SATB1: variants seen among roughly 807,000 people sequenced by gnomAD.
SATB1 encodes the protein DNA-binding protein SATB1.
SATB1 carries 11 observed loss-of-function variants against 86.9 expected under a neutral mutation model. The observed-to-expected ratio is 0.13, with a 90% confidence interval of 0.08 to 0.21. The LOEUF (loss-of-function observed/expected upper bound fraction) is 0.21. SATB1 is among the 10% of genes least tolerant of loss of function. The probability of loss-of-function intolerance (pLI) is 1.00; values close to 1 mark genes in which losing one functional copy is unlikely to be tolerated. For missense variants in SATB1, 551 were observed against 937.6 expected, an observed-to-expected ratio of 0.59 and a Z score of 5.39; for synonymous variants, 357 against 357.2, an observed-to-expected ratio of 1.00 and a Z score of 0.01.
intron 7 of SATB1, among the ~76,000 whole-genome samples, chr3:18,387,349 G>C (rs909620163): frequency 7.2e-5 from 11 of 152,162 alleles, no homozygotes; most frequent in Non-Finnish European, 1.0e-4. Flanking sequence ...CATTGCGAAA[G>C]TCCATCACAG....
At position 18,353,688 on chromosome 3, in the gene SATB1, A is replaced by G. The variant is rs945872842; in HGVS notation, c.1576-1493T>C. 3.3e-5 allele frequency among the ~76,000 whole-genome samples: 5 copies of G among 152,310 alleles called. No individual in the cohort carries two copies. The South Asian group carries it at 1.0e-3, about 32-fold the overall frequency. ...AAAATTCTTCAACTGCAATATGTATAGTGGAAAGAAGCATGGCCTGTTCTC... is the reference window on the plus strand; with the variant it reads ...AAAATTCTTCAACTGCAATATGTATGGTGGAAAGAAGCATGGCCTGTTCTC... On this transcript the variant is annotated intron_variant, in intron 9 of 10. Transcript: ENST00000338745.
chr3:18,401,813 T>C (rs1465937369), intron 5 of SATB1, among the ~76,000 whole-genome samples: 2 of 152,156 alleles, frequency 1.3e-5, no homozygotes, highest in Non-Finnish European at 2.9e-5. Flanking sequence ...CTACTCCCTA[T>C]GAGGAGCTTC....
intron 1 of SATB1, chr3:18,445,328 GCTCCCT>G: frequency 1.0e-6 from 1 of 985,060 alleles, no homozygotes; most frequent in Admixed American, 6.2e-5. Flanking sequence ...CCGCTCCCGG[GCTCCCT>G]CCCAGCGCGC....
chr3:18,423,336 T>C lies in SATB1; in HGVS notation c.-25+291A>G, dbSNP rs1348606353. The stretch of plus-strand genomic sequence containing the variant: ...AAAACAGTGAACTCAGTAACAACAA[T>C]TATTTCCTTTAAAAGGAAAGAAAAT... On this transcript the variant is annotated intron_variant, in intron 1 of 10. Transcript: ENST00000338745. Among the ~76,000 whole-genome samples, 59 of 152,204 alleles carry C rather than the reference T, an allele frequency of 3.9e-4. 1 individual carries two copies. The highest frequency in any genetic ancestry group is 1.5e-5 in the Non-Finnish European group (1 of 68,034).
At chr3:18,440,075 A>C (rs1699196714), upstream of SATB1, among the ~76,000 whole-genome samples, 2 of 152,230 alleles carry the variant, frequency 1.3e-5, no homozygotes. Context: ...AAGACTTGGA[A>C]GAGGAGACAC....
At chr3:18,392,549 A>G (rs1304370825) in intron 7 of SATB1, among the ~76,000 whole-genome samples, 1 of 146,134 alleles carries the variant, frequency 6.8e-6, no homozygotes, top group East Asian at 2.3e-4. Flanking sequence ...ATATATACAC[A>G]TATATACATA....
rs187210783 is a variant in SATB1, at chr3:18,391,973, T to C, written c.1206+2489A>G. On this transcript the variant is annotated intron_variant, in intron 7 of 10. Coordinates refer to ENST00000338745, the MANE Select transcript of SATB1 (RefSeq NM_002971.6). ...AGTTCTCAAGGAATTAATATTGAAA[T>C]ATATATACAAATTTCCTCTTAAGTC... Among the ~76,000 whole-genome samples the C allele has an allele frequency of 2.3e-3, 345 of 152,312 alleles. 3 individuals are homozygous for C. The highest frequency in any genetic ancestry group is 3.6e-3 in the Non-Finnish European group (247 of 68,032).
At chr3:18,383,069 G>C (rs1696143433) in intron 8 of SATB1, among the ~76,000 whole-genome samples, 1 of 152,208 alleles carries the variant, frequency 6.6e-6, no homozygotes, top group Non-Finnish European at 1.5e-5. Flanking sequence ...CTTATTTGTT[G>C]AATTAGAGCA....
At chr3:18,417,759 A>G in intron 2 of SATB1, 1 of 676,082 alleles carries the variant, frequency 1.5e-6, no homozygotes, top group Admixed American at 2.2e-5. Flanking sequence ...CTACCTAACT[A>G]AAAAGAGAGC....
chr3:18,379,088 G>A (rs1334374435), intron 8 of SATB1, among the ~76,000 whole-genome samples: 1 of 152,074 alleles, frequency 6.6e-6, no homozygotes. Context: ...TATATAATCA[G>A]TGACTTTACT....
At chr3:18,406,938 G>A (rs1466733406) in intron 5 of SATB1, among the ~76,000 whole-genome samples, 2 of 151,950 alleles carry the variant, frequency 1.3e-5, no homozygotes, top group Non-Finnish European at 2.9e-5. Context: ...GAATATTCCC[G>A]AGTTCCTACT....
chr3:18,443,916 C>T lies in SATB1; in HGVS notation c.-25+1602G>A, dbSNP rs1446850280. Among the ~76,000 whole-genome samples the T allele has an allele frequency of 6.6e-6, 1 of 152,190 alleles. No homozygotes were observed. Among genetic ancestry groups the T allele is most frequent in the East Asian group, 1.9e-4 (1 of 5,170 alleles). ...TCTCCAGGACCGGCCTCGCTACAGC[C>T]AGCGAGGGCTCGAAATGAGGAGTGC... On this transcript the variant is annotated intron_variant, in intron 1 of 3. Transcript: ENST00000415069. The surrounding 1 kb of genome is among the most constrained non-coding windows in gnomAD (Gnocchi z 4.4).
chr3:18,444,090 G>A lies in SATB1; in HGVS notation c.-25+1428C>T, dbSNP rs1409944894. On this transcript the variant is annotated intron_variant, in intron 1 of 3. Coordinates refer to the SATB1 transcript ENST00000415069. This position sits in a 1 kb window ranked among gnomAD's most constrained non-coding sequence, Gnocchi z 5.1. The stretch of plus-strand genomic sequence containing the variant: ...CAGGGAGCGGAGGGAGGCGGAGATG[G>A]ACCGGGAAAGGATGCTGAGCAGACT... Among the ~76,000 whole-genome samples the A allele has an allele frequency of 1.3e-5, 2 of 152,086 alleles. No individual in the cohort carries two copies. The highest frequency in any genetic ancestry group is 2.9e-5 in the Non-Finnish European group (2 of 68,024).
chr3:18,415,426 C>T (rs1698059801), intron 4 of SATB1, among the ~76,000 whole-genome samples, 192 bp from the exon 5 acceptor site: 1 of 152,080 alleles, frequency 6.6e-6, no homozygotes, highest in African/African-American at 2.4e-5. Flanking sequence ...ATGAATTATA[C>T]ATCAGCTGCC....
intron 9 of SATB1, among the ~76,000 whole-genome samples, chr3:18,354,548 T>A (rs578068055): frequency 6.6e-6 from 1 of 152,330 alleles, no homozygotes; most frequent in African/African-American, 2.4e-5. Flanking sequence ...CCAAGAATTT[T>A]TTTTTAGAAA....
intron 2 of SATB1, 104 bp downstream of exon 2, chr3:18,420,653 G>T: frequency 1.2e-6 from 1 of 866,948 alleles, no homozygotes; most frequent in Non-Finnish European, 1.9e-6. Flanking sequence ...GAGAATAAAG[G>T]CAGAGTATAC....
At chr3:18,441,975 T>A (rs1239510655), upstream of SATB1, among the ~76,000 whole-genome samples, 1 of 152,150 alleles carries the variant, frequency 6.6e-6, no homozygotes, top group Non-Finnish European at 1.5e-5. Context: ...AAGAACTACT[T>A]TTGTAGATTA....
At chr3:18,359,015 A>G (rs939695171) in intron 9 of SATB1, among the ~76,000 whole-genome samples, 10 of 152,066 alleles carry the variant, frequency 6.6e-5, no homozygotes, top group African/African-American at 2.2e-4. Context: ...AATTATTAGC[A>G]TAAACCTGGA....
intron 9 of SATB1, among the ~76,000 whole-genome samples, chr3:18,369,995 C>T (rs1695384817): frequency 1.3e-5 from 2 of 152,186 alleles, no homozygotes. Flanking sequence ...GCTTCAGTGA[C>T]ATCACAAAGC....
Sources: allele counts gnomAD v4.1 joint callset (sites outside exome capture counted in the v4.1 genomes callset), GRCh38; gene constraint gnomAD v4.1.1; non-coding constraint Gnocchi (gnomAD v3.1); transcripts MANE v1.5; gene names NCBI Gene and HGNC (gene_info 2026-07-23, HGNC 2026-07-21).